The following USH2A variants were observed in gnomAD, a reference collection of about 807,000 sequenced individuals.
USH2A encodes Usher syndrome 2A (autosomal recessive, mild).
A neutral mutation model predicts 538.9 loss-of-function variants in USH2A; 443 were observed. The ratio of observed to expected loss-of-function variants is 0.82; its 90% confidence interval spans 0.76 to 0.89. The LOEUF is 0.89. Among genes scored for constraint, USH2A ranks in the 40% least tolerant of loss-of-function variants. The pLI is 0.00. For missense variants in USH2A, 6,633 were observed against 6,324.8 expected (o/e 1.05, Z -1.65); for synonymous variants, 2,413 against 2,273.5 (o/e 1.06, Z -1.75).
chr1:216,392,236 CA>C (rs1234883288), intron 3 of USH2A, among the ~76,000 whole-genome samples: 1 of 152,062 alleles, frequency 6.6e-6, no homozygotes, highest in Non-Finnish European at 1.5e-5. Context: ...TGGTGGCTCA[CA>C]CCTGTAATCC....
At chr1:215,689,300 G>A (rs999512077) in intron 61 of USH2A, among the ~76,000 whole-genome samples, 1 of 152,214 alleles carries the variant, frequency 6.6e-6, no homozygotes, top group African/African-American at 2.4e-5. Context: ...CAATTGTCTT[G>A]TTAACCTCTT....
chr1:216,292,644 G>A (rs1271999714), intron 9 of USH2A, among the ~76,000 whole-genome samples: 2 of 151,992 alleles, frequency 1.3e-5, no homozygotes, highest in Non-Finnish European at 2.9e-5. Context: ...GTAGGTGTAT[G>A]TATTTATAGG....
At chr1:215,819,447 A>G (rs1662949084) in intron 47 of USH2A, among the ~76,000 whole-genome samples, 1 of 151,796 alleles carries the variant, frequency 6.6e-6, no homozygotes, top group Non-Finnish European at 1.5e-5. Context: ...GGGGGTACAA[A>G]CATAACACAT....
At chr1:215,805,569 T>C (rs1662477057) in intron 49 of USH2A, among the ~76,000 whole-genome samples, 1 of 152,004 alleles carries the variant, frequency 6.6e-6, no homozygotes, top group Admixed American at 6.6e-5. Flanking sequence ...GCTTAAAAAA[T>C]GGTTAAAATG....
intron 14 of USH2A, among the ~76,000 whole-genome samples, chr1:216,227,108 A>C (rs1173878543): frequency 6.6e-6 from 1 of 152,176 alleles, no homozygotes; most frequent in Non-Finnish European, 1.5e-5. Flanking sequence ...TCTTTTCCTT[A>C]ACCCATTTTT....
intron 21 of USH2A, among the ~76,000 whole-genome samples, chr1:216,173,149 G>T (rs1047089059): frequency 7.9e-5 from 12 of 152,132 alleles, no homozygotes; most frequent in African/African-American, 2.7e-4. Flanking sequence ...ATTTAGGAAA[G>T]ATGCAAGTTT....
At chr1:215,784,224 T>A (rs146127543) in intron 52 of USH2A, among the ~76,000 whole-genome samples, 1 of 151,982 alleles carries the variant, frequency 6.6e-6, no homozygotes, top group Non-Finnish European at 1.5e-5. Flanking sequence ...CTTGAAGGAG[T>A]ATAGAAAGAC....
At chr1:215,715,773 T>C (rs969090703) in intron 61 of USH2A, among the ~76,000 whole-genome samples, 1 of 152,224 alleles carries the variant, frequency 6.6e-6, no homozygotes, top group African/African-American at 2.4e-5. Context: ...TTTAAAACAA[T>C]GTCCTTCATG....
intron 47 of USH2A, among the ~76,000 whole-genome samples, chr1:215,836,181 A>G (rs1663474125): frequency 6.6e-6 from 1 of 151,730 alleles, no homozygotes; most frequent in Admixed American, 6.6e-5. Context: ...AGAATTTGAA[A>G]ACATCCACCC....
At chr1:215,953,625 G>A (rs1666988500) in intron 37 of USH2A, among the ~76,000 whole-genome samples, 2 of 151,946 alleles carry the variant, frequency 1.3e-5, no homozygotes, top group Non-Finnish European at 2.9e-5. Context: ...AGAAAACCTA[G>A]GCAATACCAT....
intron 37 of USH2A, among the ~76,000 whole-genome samples, chr1:215,954,711 T>G (rs1004869117): frequency 1.3e-5 from 2 of 151,208 alleles, no homozygotes; most frequent in Non-Finnish European, 2.9e-5. Flanking sequence ...ACTTGAAGTA[T>G]AATAATAATA....
intron 32 of USH2A, among the ~76,000 whole-genome samples, chr1:216,008,504 G>A (rs1277181635): frequency 3.3e-5 from 5 of 152,132 alleles, no homozygotes; most frequent in South Asian, 2.1e-4. Flanking sequence ...AAACAGCCAT[G>A]TTGCTCACAC....
rs2036070695 is a variant in USH2A, at chr1:216,247,238, A to C, written c.2168-12T>G. On this transcript the variant is annotated splice_polypyrimidine_tract_variant and intron_variant, in intron 12 of 71. Transcript: ENST00000307340. ...ATCACACCTAAGCCCTAAAGATAAAATATATTTAAAAGGTGAGGATGGGAA... is the reference window on the plus strand; with the variant it reads ...ATCACACCTAAGCCCTAAAGATAAACTATATTTAAAAGGTGAGGATGGGAA... 1 of 1,613,444 alleles carries C rather than the reference A, an allele frequency of 6.2e-7. No individual in the cohort carries two copies. The highest frequency in any genetic ancestry group is 1.3e-5 in the African/African-American group (1 of 75,036).
chr1:216,083,535 ATC>A lies in USH2A; in HGVS notation c.5217_5218del (p.Glu1739AspfsTer4). On this transcript the variant is annotated frameshift_variant, in exon 26 of 72. Coordinates refer to ENST00000307340, the MANE Select transcript of USH2A (RefSeq NM_206933.4). LOFTEE classifies it high-confidence loss of function. ...TTGGTCAGTTCTGAACTTAAAGGAAATCTCAAAGTTCATTCCACCATGAAACA... is the reference window on the plus strand; with the variant it reads ...TTGGTCAGTTCTGAACTTAAAGGAAATCAAAGTTCATTCCACCATGAAACA... The A allele has an allele frequency of 6.2e-7, 1 of 1,612,288 alleles. No individual in the cohort carries two copies. The highest frequency in any genetic ancestry group is 8.5e-7 in the Non-Finnish European group (1 of 1,179,032).
In USH2A at chr1:216,323,509, T is replaced by C. The variant is rs2102652955; in HGVS notation, c.1515A>G (p.Arg505=). ...TTETAVNLRH[R]YYAVDEITIS... is the part of the protein sequence containing the mutation. ...TGGTGATTTCGTCCACTGCATAATA[T>C]CTGTGTCTGAGGTTAACAGCAGTCT... The change falls in exon 8 of 72, where the codon AGA becomes AGG. Residue 505 remains arginine, a synonymous_variant. Transcript: ENST00000307340. 1 of 1,613,498 alleles carries C rather than the reference T, an allele frequency of 6.2e-7. No individual in the cohort carries two copies. The highest frequency in any genetic ancestry group is 1.3e-5 in the African/African-American group (1 of 74,972).
At chr1:215,841,225 C>T (rs929093258) in intron 46 of USH2A, among the ~76,000 whole-genome samples, 1 of 152,140 alleles carries the variant, frequency 6.6e-6, no homozygotes, top group Admixed American at 6.6e-5. Context: ...AAAAAAGAGC[C>T]TGTATAGCCA....
chr1:215,786,926 T>C, intron 51 of USH2A, 52 bp from the exon 52 acceptor site: 5 of 1,553,990 alleles, frequency 3.2e-6, no homozygotes, highest in Non-Finnish European at 4.4e-6. Context: ...AAATTTCATT[T>C]AGACATACAT....
intron 61 of USH2A, among the ~76,000 whole-genome samples, chr1:215,714,101 A>T (rs1166387570): frequency 6.6e-6 from 1 of 152,242 alleles, no homozygotes; most frequent in Non-Finnish European, 1.5e-5. Flanking sequence ...TTGAAATTGG[A>T]ACATATAAAT....
At position 215,799,053 on chromosome 1, in the gene USH2A, AT is replaced by A. The variant is rs767328784; in HGVS notation, c.9811del (p.Met3271CysfsTer30). 1 of 1,614,108 alleles carries A rather than the reference AT, an allele frequency of 6.2e-7. No homozygotes were observed. Among genetic ancestry groups the A allele is most frequent in the Non-Finnish European group, 8.5e-7 (1 of 1,180,014 alleles). On this transcript the variant is annotated frameshift_variant, in exon 50 of 72. Transcript: ENST00000307340. LOFTEE classifies it high-confidence loss of function. ...VGIGDSCCGRMPYSTSGNQIC... is the reference protein window; with the variant it reads ...VGIGDSCCGRXPYSTSGNQIC... ...CTGGTTTCCTGAGGTGGAGTACGGC[AT>A]TCTGCCACAGCAGGAATCACCAATG...
Sources: gnomAD v4.1 joint callset for allele counts (sites outside exome capture counted in the v4.1 genomes callset) on GRCh38, gnomAD v4.1.1 for gene constraint, MANE v1.5 for transcripts, NCBI Gene and HGNC (gene_info 2026-07-23, HGNC 2026-07-21) for gene names.